The following COL21A1 variants were observed in gnomAD, a reference collection of about 807,000 sequenced individuals.
COL21A1 encodes the protein collagen alpha-1(XXI) chain.
A neutral mutation model predicts 137.9 loss-of-function variants in COL21A1; 149 were observed. That is an observed-to-expected ratio of 1.08 (90% CI 0.95 to 1.24). COL21A1 has a LOEUF of 1.24. Among genes scored for constraint, COL21A1 ranks in the 50% most tolerant of loss-of-function variants. The probability of loss-of-function intolerance (pLI) is 0.00; values close to 1 mark genes in which losing one functional copy is unlikely to be tolerated. For missense variants in COL21A1, 1,167 were observed against 1,158.4 expected (o/e 1.01, Z -0.11); for synonymous variants, 456 against 391.5 (o/e 1.16, Z -1.95).
chr6:56,131,514 T>C (rs1925168), intron 12 of COL21A1, among the ~76,000 whole-genome samples: 2 of 151,820 alleles, frequency 1.3e-5, no homozygotes, highest in East Asian at 3.9e-4. Context: ...AAACTCAGCC[T>C]CTGGGAGGGA....
intron 1 of COL21A1, among the ~76,000 whole-genome samples, chr6:56,387,564 C>G (rs1490325429): frequency 6.6e-6 from 1 of 152,152 alleles, no homozygotes; most frequent in African/African-American, 2.4e-5. Flanking sequence ...CCACCCCTCT[C>G]CCAGCCCTCC....
At chr6:56,306,979 G>A (rs757633399) in intron 1 of COL21A1, among the ~76,000 whole-genome samples, 51 of 152,200 alleles carry the variant, frequency 3.4e-4, no homozygotes, top group Non-Finnish European at 2.6e-4. Flanking sequence ...GGAGTTTGCT[G>A]GAGGTCCACT....
intron 17 of COL21A1, among the ~76,000 whole-genome samples, chr6:56,098,574 T>A (rs1364791420): frequency 0.033 from 819 of 24,710 alleles, 232 homozygotes; most frequent in East Asian, 0.06. Context: ...TAAATATATA[T>A]AAATATATAT....
chr6:56,365,483 T>C (rs1019986612), intron 1 of COL21A1, among the ~76,000 whole-genome samples: 1 of 152,226 alleles, frequency 6.6e-6, no homozygotes, highest in African/African-American at 2.4e-5. Flanking sequence ...ATTTAACTTC[T>C]TGGTTCTTGA....
At position 56,297,304 on chromosome 6, in the gene COL21A1, C is replaced by A. The variant is rs570923427; in HGVS notation, c.-39+96667G>T. ...GAAGTCATCTCAGTAAATTCCTCCC[C>A]AAAAAAACCTGCAAATCTCAGAATT... On this transcript the variant is annotated intron_variant, in intron 1 of 28. Transcript: ENST00000370819. 2.0e-3 allele frequency among the ~76,000 whole-genome samples: 300 copies of A among 152,028 alleles called. 1 individual carries two copies. The highest frequency in any genetic ancestry group is 6.8e-3 in the African/African-American group (284 of 41,498).
At chr6:56,208,319 T>C (rs1379325831) in intron 1 of COL21A1, among the ~76,000 whole-genome samples, 1 of 152,216 alleles carries the variant, frequency 6.6e-6, no homozygotes, top group African/African-American at 2.4e-5. Context: ...GATAAGCAAC[T>C]TCAACAGTCT....
chr6:56,260,613 G>T (rs1207441389), intron 1 of COL21A1, among the ~76,000 whole-genome samples: 2 of 88,828 alleles, frequency 2.3e-5, no homozygotes, highest in Non-Finnish European at 5.4e-5. Context: ...GAAGAAGAAA[G>T]AAAGAGAGAG....
At chr6:56,060,295 G>T in intron 27 of COL21A1, 77 bp from the exon 28 acceptor site, 1 of 1,245,148 alleles carries the variant, frequency 8.0e-7, no homozygotes, top group Non-Finnish European at 1.1e-6. Context: ...ATTTTTTTCA[G>T]TTTACAGAGA....
intron 24 of COL21A1, among the ~76,000 whole-genome samples, chr6:56,063,009 T>G (rs1227471481): frequency 6.6e-6 from 1 of 152,124 alleles, no homozygotes; most frequent in Non-Finnish European, 1.5e-5. Flanking sequence ...GAGTGACAGG[T>G]AACTAAGACT....
chr6:56,249,076 C>T (rs541537462), upstream of COL21A1, among the ~76,000 whole-genome samples: 2 of 152,102 alleles, frequency 1.3e-5, no homozygotes, highest in Non-Finnish European at 2.9e-5. Context: ...AGTATTTAGA[C>T]GTTTCTCCAA....
intron 1 of COL21A1, among the ~76,000 whole-genome samples, chr6:56,267,802 A>G (rs1763428628): frequency 6.6e-6 from 1 of 151,624 alleles, no homozygotes; most frequent in Non-Finnish European, 1.5e-5. Context: ...AGAGCCTCCT[A>G]TCTAAGAAGA....
intron 2 of COL21A1, 109 bp downstream of exon 2, chr6:56,182,422 A>G (rs879293546): frequency 4.3e-6 from 3 of 705,044 alleles, no homozygotes; most frequent in Non-Finnish European, 7.3e-6. Flanking sequence ...GAGTTACAGA[A>G]TCAAAGACAG....
At chr6:56,216,751 CA>C (rs1247044853) in intron 1 of COL21A1, among the ~76,000 whole-genome samples, 8 of 152,114 alleles carry the variant, frequency 5.3e-5, no homozygotes, top group Non-Finnish European at 8.8e-5. Flanking sequence ...TTACTCAGGC[CA>C]AAACTTCTTA....
chr6:56,205,051 A>C (rs1448405925), intron 1 of COL21A1, among the ~76,000 whole-genome samples: 1 of 152,228 alleles, frequency 6.6e-6, no homozygotes, highest in Non-Finnish European at 1.5e-5. Flanking sequence ...AAAAGGCTGA[A>C]AATTCCAAAA....
intron 5 of COL21A1, among the ~76,000 whole-genome samples, chr6:56,170,158 T>C (rs1776919284): frequency 6.6e-6 from 1 of 151,916 alleles, no homozygotes; most frequent in Admixed American, 6.6e-5. Flanking sequence ...TAAGGTAAAT[T>C]TCATACCTAT....
At chr6:56,244,846 T>A (rs1415916066) in intron 1 of COL21A1, among the ~76,000 whole-genome samples, 4 of 152,216 alleles carry the variant, frequency 2.6e-5, no homozygotes, top group Admixed American at 1.3e-4. Context: ...TTGGCATTAA[T>A]ACCATAAATA....
At chr6:56,362,990 C>A (rs1285775289) in intron 1 of COL21A1, among the ~76,000 whole-genome samples, 1 of 152,180 alleles carries the variant, frequency 6.6e-6, no homozygotes, top group Non-Finnish European at 1.5e-5. Flanking sequence ...TGCCCTGAAT[C>A]TCCATCAGGG....
At chr6:56,313,791 T>C (rs554921645) in intron 1 of COL21A1, among the ~76,000 whole-genome samples, 27 of 152,180 alleles carry the variant, frequency 1.8e-4, no homozygotes, top group Non-Finnish European at 3.4e-4. Flanking sequence ...AGCATAGCCA[T>C]TTAGATCCTT....
At chr6:56,277,309 G>A (rs1472059853) in intron 1 of COL21A1, among the ~76,000 whole-genome samples, 1 of 151,926 alleles carries the variant, frequency 6.6e-6, no homozygotes, top group Non-Finnish European at 1.5e-5. Flanking sequence ...CTCAACCCAC[G>A]ACAGGCCCCG....
Sources: allele counts gnomAD v4.1 joint callset (sites outside exome capture counted in the v4.1 genomes callset), GRCh38; gene constraint gnomAD v4.1.1; transcripts MANE v1.5; gene names NCBI Gene and HGNC (gene_info 2026-07-23, HGNC 2026-07-21).